The following MIR2052HG variants were observed in gnomAD, a reference collection of about 807,000 sequenced individuals.
MIR2052HG encodes MIR2052 host gene.
chr8:74,698,965 A>G (rs1809330070), intron 2 of MIR2052HG, among the ~76,000 whole-genome samples: 1 of 151,810 alleles, frequency 6.6e-6, no homozygotes, highest in Non-Finnish European at 1.5e-5. Flanking sequence ...TGAATAGACA[A>G]TTATAAGAAG....
At chr8:74,623,150 A>G (rs750063534) in intron 2 of MIR2052HG, among the ~76,000 whole-genome samples, 3 of 152,262 alleles carry the variant, frequency 2.0e-5, no homozygotes, top group Non-Finnish European at 4.4e-5. Context: ...TAGTGTTCTC[A>G]TCACAAAAAA....
intron 4 of MIR2052HG, among the ~76,000 whole-genome samples, chr8:74,730,481 C>T (rs1158383942): frequency 6.6e-6 from 1 of 152,046 alleles, no homozygotes; most frequent in East Asian, 1.9e-4. Context: ...ACAGATGAAG[C>T]AATATGAATT....
intron 2 of MIR2052HG, among the ~76,000 whole-genome samples, chr8:74,624,518 T>C (rs2128733169): frequency 6.6e-6 from 1 of 152,318 alleles, no homozygotes. Context: ...CTGTTGTTTT[T>C]AAATCCAGAT....
chr8:74,603,185 A>C (rs959572860), intron 1 of MIR2052HG: 1 of 885,976 alleles, frequency 1.1e-6, no homozygotes, highest in African/African-American at 1.7e-5. Flanking sequence ...GAAAATTTAC[A>C]AACTATTTAA....
intron 2 of MIR2052HG, among the ~76,000 whole-genome samples, chr8:74,613,233 T>C (rs996189698): frequency 6.6e-6 from 1 of 152,154 alleles, no homozygotes; most frequent in South Asian, 2.1e-4. Flanking sequence ...TTGGAGTGAC[T>C]GGTACTATAT....
intron 2 of MIR2052HG, among the ~76,000 whole-genome samples, chr8:74,640,071 T>C (rs2128735179): frequency 6.6e-6 from 1 of 152,316 alleles, no homozygotes; most frequent in Non-Finnish European, 1.5e-5. Context: ...GGTTCTATCT[T>C]ACTTTCACTT....
intron 4 of MIR2052HG, among the ~76,000 whole-genome samples, chr8:74,726,301 G>A (rs1809635576): frequency 6.6e-6 from 1 of 152,148 alleles, no homozygotes; most frequent in Admixed American, 6.5e-5. Context: ...TTCCTTGTGT[G>A]CATCAAAAGC....
intron 2 of MIR2052HG, among the ~76,000 whole-genome samples, chr8:74,681,918 A>G (rs1454106330): frequency 6.6e-6 from 1 of 152,176 alleles, no homozygotes; most frequent in Admixed American, 6.6e-5. Context: ...TATGATAGAG[A>G]TGTAATTACA....
chr8:74,646,497 C>T (rs1429880847), intron 2 of MIR2052HG, among the ~76,000 whole-genome samples: 2 of 152,066 alleles, frequency 1.3e-5, no homozygotes. Context: ...ACAGAGAGAG[C>T]AAATGCAGGG....
chr8:74,629,810 G>A (rs576946481), intron 2 of MIR2052HG, among the ~76,000 whole-genome samples: 44 of 152,232 alleles, frequency 2.9e-4, no homozygotes, highest in South Asian at 2.7e-3. Flanking sequence ...AGCTTGAATA[G>A]GGATGTTTCC....
intron 3 of MIR2052HG, chr8:74,703,529 A>G (rs1809378509): frequency 2.7e-6 from 1 of 375,628 alleles, no homozygotes; most frequent in African/African-American, 2.1e-5. Flanking sequence ...CAATCAGGAG[A>G]TAAATGGAAT....
chr8:74,730,813 T>A (rs1483024665), intron 4 of MIR2052HG, among the ~76,000 whole-genome samples: 1 of 152,014 alleles, frequency 6.6e-6, no homozygotes, highest in Non-Finnish European at 1.5e-5. Context: ...AAAAGAGGGG[T>A]CTGTAATCTA....
chr8:74,694,089 A>G (rs1241634227), intron 2 of MIR2052HG, among the ~76,000 whole-genome samples: 1 of 152,122 alleles, frequency 6.6e-6, no homozygotes, highest in Non-Finnish European at 1.5e-5. Context: ...ATAACCAAGG[A>G]CCCTCACAAA....
intron 2 of MIR2052HG, among the ~76,000 whole-genome samples, chr8:74,629,722 C>A (rs1272297613): frequency 6.6e-6 from 1 of 151,994 alleles, no homozygotes; most frequent in Non-Finnish European, 1.5e-5. Context: ...GAGTGGTGCA[C>A]CAAAACAGCG....
chr8:74,627,866 A>G (rs935251061), intron 2 of MIR2052HG, among the ~76,000 whole-genome samples: 8 of 152,244 alleles, frequency 5.3e-5, no homozygotes, highest in Admixed American at 2.0e-4. Context: ...CCATGTTAAC[A>G]AGATTACAAT....
intron 2 of MIR2052HG, among the ~76,000 whole-genome samples, chr8:74,671,820 T>C (rs1808995761): frequency 6.6e-6 from 1 of 152,106 alleles, no homozygotes; most frequent in Non-Finnish European, 1.5e-5. Flanking sequence ...AATTTTATCA[T>C]TTTCTTGCTC....
In MIR2052HG at chr8:74,617,399, A is replaced by G. The variant is rs767982772; in HGVS notation, n.216+4459A>G. On this transcript the variant is annotated intron_variant and non_coding_transcript_variant, in intron 2 of 6. Coordinates refer to ENST00000523442, the Ensembl canonical transcript of MIR2052HG. ...AGGATAATGGCCTCAAGTTCCATCC[A>G]TGCTGCTACAAAAGACATTATTTCA... Among the ~76,000 whole-genome samples, 27 of 152,042 alleles carry G rather than the reference A, an allele frequency of 1.8e-4. 1 individual carries two copies. Among genetic ancestry groups the G allele is most frequent in the Non-Finnish European group, 3.7e-4 (25 of 68,010 alleles).
chr8:74,750,853 G>A (rs1809936852), intron 4 of MIR2052HG, among the ~76,000 whole-genome samples: 1 of 152,112 alleles, frequency 6.6e-6, no homozygotes, highest in South Asian at 2.1e-4. Flanking sequence ...ACTGGTCTTA[G>A]TATCAAAGAT....
intron 2 of MIR2052HG, among the ~76,000 whole-genome samples, chr8:74,654,764 G>A (rs565466235): frequency 3.3e-5 from 5 of 152,220 alleles, no homozygotes; most frequent in African/African-American, 1.2e-4. Flanking sequence ...CAGGAGTAGG[G>A]TGTTCCTGAG....
Sources: gnomAD v4.1 joint callset for allele counts (sites outside exome capture counted in the v4.1 genomes callset) on GRCh38, gnomAD v4.1.1 for gene constraint, MANE v1.5 for transcripts, NCBI Gene and HGNC (gene_info 2026-07-23, HGNC 2026-07-21) for gene names.